The following PAK3 variants were observed in gnomAD, a reference collection of about 807,000 sequenced individuals.
The protein encoded by PAK3 is serine/threonine-protein kinase PAK 3.
Under a neutral mutation model 41.0 loss-of-function variants are expected in PAK3, and 4 were observed. That is an observed-to-expected ratio of 0.10 (90% CI 0.05 to 0.22). The LOEUF (loss-of-function observed/expected upper bound fraction) is 0.22. PAK3 is among the 10% of genes least tolerant of loss of function. PAK3 has a pLI of 1.00. For missense variants in PAK3, 205 were observed against 409.9 expected (o/e 0.50, Z 4.32); for synonymous variants, 146 against 139.6 (o/e 1.05, Z -0.32).
chrX:111,107,780 G>T (rs747070011), intron 4 of PAK3, among the ~76,000 whole-genome samples: 2 of 111,971 alleles, frequency 1.8e-5, no homozygotes, highest in Non-Finnish European at 3.8e-5. Flanking sequence ...ACTCATTTTG[G>T]TTTCTTGATG....
chrX:111,123,785 T>G (rs1223356234), intron 5 of PAK3, among the ~76,000 whole-genome samples: 1 of 111,894 alleles, frequency 8.9e-6, no homozygotes, highest in Admixed American at 9.5e-5. Flanking sequence ...TTGTTTCCAT[T>G]ATCATTCTTC....
chrX:111,101,742 A>T (rs2093145265), intron 3 of PAK3, among the ~76,000 whole-genome samples: 1 of 111,206 alleles, frequency 9.0e-6, no homozygotes, highest in Non-Finnish European at 1.9e-5. Flanking sequence ...GTAGGGAGGG[A>T]GGGGGCGAGT....
intron 1 of PAK3, among the ~76,000 whole-genome samples, chrX:110,957,938 A>G (rs1446439035): frequency 8.9e-6 from 1 of 111,963 alleles, no homozygotes; most frequent in African/African-American, 3.3e-5. Context: ...CATTAAACAA[A>G]TAAACTCAGA....
intron 16 of PAK3, among the ~76,000 whole-genome samples, chrX:111,210,120 C>T (rs973681075): frequency 9.0e-5 from 10 of 111,104 alleles, no homozygotes; most frequent in East Asian, 2.8e-4. Flanking sequence ...AGAAAGCCAC[C>T]GTTTTTCTGG....
chrX:111,154,874 T>A (rs1301969157), intron 8 of PAK3, among the ~76,000 whole-genome samples: 4 of 111,351 alleles, frequency 3.6e-5, no homozygotes, highest in South Asian at 3.8e-4. Context: ...AAAAAAAAAA[T>A]AGTTATTATT....
chrX:111,195,042 C>T lies in PAK3; in HGVS notation c.1110+624C>T, dbSNP rs753927556. Among the ~76,000 whole-genome samples the T allele has an allele frequency of 2.7e-5, 3 of 112,161 alleles. No individual in the cohort carries two copies. In the South Asian group the frequency reaches 1.1e-3, roughly 42 times the overall value. ...CACACACACTTTTTTACTGGAGTCTCATCTTAGGCATTATAATCTATCCCA... is the reference window on the plus strand; with the variant it reads ...CACACACACTTTTTTACTGGAGTCTTATCTTAGGCATTATAATCTATCCCA... On this transcript the variant is annotated intron_variant, in intron 14 of 17. Coordinates refer to ENST00000372007, the MANE Select transcript of PAK3 (RefSeq NM_002578.5).
intron 1 of PAK3, among the ~76,000 whole-genome samples, chrX:110,984,900 G>A (rs2091514937): frequency 1.8e-5 from 2 of 109,853 alleles, no homozygotes; most frequent in African/African-American, 3.3e-5. Flanking sequence ...AGGTCAGGGC[G>A]GGCAAATCGC....
At chrX:111,105,190 A>G (rs2093231014) in intron 4 of PAK3, among the ~76,000 whole-genome samples, 1 of 111,462 alleles carries the variant, frequency 9.0e-6, no homozygotes, top group Non-Finnish European at 1.9e-5. Flanking sequence ...TCACATTTTC[A>G]TATTGATGCA....
At chrX:111,025,703 C>G (rs1444820070) in intron 1 of PAK3, among the ~76,000 whole-genome samples, 1 of 110,675 alleles carries the variant, frequency 9.0e-6, no homozygotes, top group African/African-American at 3.3e-5. Flanking sequence ...CAGGTGAATT[C>G]TATCAGACAT....
chrX:111,109,605 A>G (rs1021082022), intron 4 of PAK3, among the ~76,000 whole-genome samples: 1 of 112,113 alleles, frequency 8.9e-6, no homozygotes, highest in Non-Finnish European at 1.9e-5. Context: ...TAAAGCCATC[A>G]GTGATGCCAC....
chrX:111,135,172 A>G (rs765547330), intron 5 of PAK3, among the ~76,000 whole-genome samples: 2 of 111,231 alleles, frequency 1.8e-5, no homozygotes, highest in East Asian at 5.7e-4. Flanking sequence ...ATAAAAGAGG[A>G]CAATGCAGAG....
rs142033510 is a variant in PAK3 at position 111,063,820 on chromosome X, G to GA, written c.-27-59240dup. Among the ~76,000 whole-genome samples the GA allele has an allele frequency of 4.1e-4, 37 of 89,173 alleles. 1 individual carries two copies. Among genetic ancestry groups the GA allele is most frequent in the Middle Eastern group, 5.4e-3 (1 of 184 alleles). The allele number at this position is 89,173 out of a possible 115,157, so 77.4% of individuals were successfully genotyped here. The stretch of plus-strand genomic sequence containing the variant: ...CAGCCTGGGTGACAGAGACTGTCTC[G>GA]AAAAAAAAAAAAAAAAATCAATGAC... On this transcript the variant is annotated intron_variant, in intron 1 of 14. Coordinates refer to the PAK3 transcript ENST00000425146.
intron 12 of PAK3, 66 bp downstream of exon 12, chrX:111,192,241 G>A (rs2094566964): frequency 1.7e-5 from 12 of 724,762 alleles, no homozygotes; most frequent in Non-Finnish European, 2.2e-5. Context: ...TATCTTCTTC[G>A]ATGGCAACTT....
chrX:111,111,511 A>T (rs1029354575), intron 4 of PAK3, among the ~76,000 whole-genome samples: 11 of 111,970 alleles, frequency 9.8e-5, no homozygotes, highest in Admixed American at 4.7e-4. Flanking sequence ...ACTTATTATA[A>T]GTGCCGTTCT....
intron 1 of PAK3, among the ~76,000 whole-genome samples, chrX:111,023,598 A>G (rs1004479092): frequency 7.1e-5 from 8 of 112,101 alleles, no homozygotes; most frequent in African/African-American, 2.6e-4. Context: ...CAGGCATGAG[A>G]TAGTATCTCA....
At chrX:111,059,454 G>A (rs772154551) in intron 1 of PAK3, among the ~76,000 whole-genome samples, 157 of 111,714 alleles carry the variant, frequency 1.4e-3, no homozygotes, top group Non-Finnish European at 2.2e-3. Context: ...TTACAGGCAT[G>A]AGCCACTGCA....
intron 1 of PAK3, among the ~76,000 whole-genome samples, chrX:110,957,501 G>A (rs1441830257): frequency 1.8e-5 from 2 of 112,233 alleles, no homozygotes; most frequent in African/African-American, 3.2e-5. Context: ...CAGAAGGGTT[G>A]CATGACCCAA....
intron 4 of PAK3, among the ~76,000 whole-genome samples, chrX:111,110,577 A>C (rs2093352560): frequency 9.0e-6 from 1 of 111,618 alleles, no homozygotes; most frequent in African/African-American, 3.3e-5. Flanking sequence ...GACATCATAA[A>C]TGTTTGGAAA....
chrX:111,074,667 G>A (rs1252133525), intron 1 of PAK3, among the ~76,000 whole-genome samples: 2 of 112,267 alleles, frequency 1.8e-5, no homozygotes. Context: ...AAATGTGGAA[G>A]CAGCTTTGGA....
Sources: gnomAD v4.1 joint callset for allele counts (sites outside exome capture counted in the v4.1 genomes callset) on GRCh38, gnomAD v4.1.1 for gene constraint, MANE v1.5 for transcripts, NCBI Gene and HGNC (gene_info 2026-07-23, HGNC 2026-07-21) for gene names.